Variants in PLXNA4 observed in about 807,000 individuals in gnomAD.
PLXNA4 encodes plexin-A4.
In PLXNA4, 44 loss-of-function variants were observed where a neutral mutation model predicts 191.8. The ratio of observed to expected loss-of-function variants is 0.23; its 90% confidence interval spans 0.18 to 0.29. The LOEUF is 0.29. Ranked by LOEUF, PLXNA4 falls within the 10% of genes least tolerant of loss-of-function variation. PLXNA4 has a pLI of 1.00. For synonymous variants in PLXNA4, 1,082 were observed against 1,009.5 expected (o/e 1.07, Z -1.36); for missense variants, 1,800 against 2,488.8 (o/e 0.72, Z 5.89).
At chr7:132,254,813 G>A (rs1031184861) in intron 4 of PLXNA4, among the ~76,000 whole-genome samples, 1 of 152,168 alleles carries the variant, frequency 6.6e-6, no homozygotes, top group Non-Finnish European at 1.5e-5. Context: ...TTGCGCATCT[G>A]GGGAGTCTGA....
intron 1 of PLXNA4, among the ~76,000 whole-genome samples, chr7:132,561,464 CCTCCTCCTCCTTCTT>C (rs1269522162): frequency 1.5e-5 from 2 of 135,624 alleles, no homozygotes; most frequent in South Asian, 2.6e-4. Flanking sequence ...TCCTTCTTGT[CCTCCTCCTCCTTCTT>C]CTCCTCCTCC....
At chr7:132,429,938 G>A (rs1400732361) in intron 3 of PLXNA4, among the ~76,000 whole-genome samples, 1 of 152,200 alleles carries the variant, frequency 6.6e-6, no homozygotes, top group Non-Finnish European at 1.5e-5. Context: ...GTCCCCAGGA[G>A]CAGAGTGGGC....
At chr7:132,442,481 T>TA (rs1421569530) in intron 3 of PLXNA4, among the ~76,000 whole-genome samples, 1 of 152,226 alleles carries the variant, frequency 6.6e-6, no homozygotes, top group African/African-American at 2.4e-5. Context: ...TCAAGATTCT[T>TA]ACTTTTCTCG....
intron 3 of PLXNA4, among the ~76,000 whole-genome samples, chr7:132,311,194 G>GTGTGTGTGTGCGCA (rs1491367840): frequency 2.4e-5 from 2 of 82,796 alleles, no homozygotes; most frequent in African/African-American, 1.0e-4. Context: ...GTGTGTGTGT[G>GTGTGTGTGTGCGCA]CGCGTGTGGC....
chr7:132,248,218 G>C (rs935074528), intron 4 of PLXNA4, among the ~76,000 whole-genome samples: 4 of 152,188 alleles, frequency 2.6e-5, no homozygotes, highest in Non-Finnish European at 5.9e-5. Context: ...GGCCCCAAAT[G>C]AACCCACATG....
chr7:132,617,647 TAA>T (rs1029675387), intron 2 of PLXNA4, among the ~76,000 whole-genome samples: 1 of 152,212 alleles, frequency 6.6e-6, no homozygotes, highest in African/African-American at 2.4e-5. Context: ...CCATGAAATC[TAA>T]AACACTGACA....
intron 12 of PLXNA4, among the ~76,000 whole-genome samples, chr7:132,199,841 A>G (rs1057271083): frequency 6.6e-6 from 1 of 152,140 alleles, no homozygotes; most frequent in Non-Finnish European, 1.5e-5. Context: ...CCTCCTACAC[A>G]TCCCCGTGAG....
chr7:132,230,096 A>C (rs1051182914), intron 5 of PLXNA4, among the ~76,000 whole-genome samples: 1 of 152,208 alleles, frequency 6.6e-6, no homozygotes, highest in African/African-American at 2.4e-5. Flanking sequence ...ACCCCTGAAC[A>C]GTACATTCAT....
chr7:132,349,070 C>T (rs760905430), intron 3 of PLXNA4, among the ~76,000 whole-genome samples: 2 of 152,040 alleles, frequency 1.3e-5, no homozygotes, highest in Non-Finnish European at 2.9e-5. Context: ...CATCCAACGC[C>T]GAAAGATGGG....
intron 3 of PLXNA4, among the ~76,000 whole-genome samples, chr7:132,364,322 G>C (rs889776868): frequency 2.0e-5 from 3 of 152,208 alleles, no homozygotes; most frequent in African/African-American, 7.2e-5. Context: ...GCGCTAACAA[G>C]AAAGAAACGC....
chr7:132,188,995 AGAGAGAG>A (rs1796983908), intron 14 of PLXNA4, among the ~76,000 whole-genome samples: 1 of 26,802 alleles, frequency 3.7e-5, no homozygotes. Context: ...AAAGGAAAGG[AGAGAGAG>A]AGAGAGAGAG....
At chr7:132,337,109 G>A (rs1224109545) in intron 3 of PLXNA4, among the ~76,000 whole-genome samples, 1 of 152,248 alleles carries the variant, frequency 6.6e-6, no homozygotes, top group African/African-American at 2.4e-5. Context: ...CGGTGGCAAT[G>A]TGTCCGCAGG....
upstream of PLXNA4, among the ~76,000 whole-genome samples, chr7:132,577,505 T>A (rs968343451): frequency 6.6e-6 from 1 of 151,204 alleles, no homozygotes. Flanking sequence ...GGCTGACATC[T>A]AGAGCGAGGG....
chr7:132,281,148 T>C (rs1584940234), intron 4 of PLXNA4, among the ~76,000 whole-genome samples: 1 of 152,322 alleles, frequency 6.6e-6, no homozygotes, highest in East Asian at 1.9e-4. Context: ...GTTTAATACA[T>C]TTGTTTAGCA....
intron 14 of PLXNA4, among the ~76,000 whole-genome samples, chr7:132,188,987 AGGAAAG>A (rs1209671869): frequency 5.5e-5 from 3 of 54,872 alleles, no homozygotes; most frequent in Admixed American, 2.1e-4. Flanking sequence ...AGGAAAGGAA[AGGAAAG>A]GAGAGAGAGA....
rs763035977 is a variant in PLXNA4 at position 132,182,235 on chromosome 7, A to G, written c.3159-45T>C. On this transcript the variant is annotated intron_variant, in intron 16 of 31. Transcript: ENST00000321063. ...GAGATGTGTAAATGATAAGTTCAGG[A>G]AGAGCAATGGCACTCTACAATGATG... 1.9e-6 allele frequency: 3 copies of G among 1,608,030 alleles called. No homozygotes were observed. The South Asian group carries it at 3.3e-5, about 18-fold the overall frequency.
At chr7:132,341,965 C>A (rs1250768187) in intron 3 of PLXNA4, among the ~76,000 whole-genome samples, 1 of 151,930 alleles carries the variant, frequency 6.6e-6, no homozygotes. Flanking sequence ...GGGATTCCAA[C>A]ATGCTTTTGG....
chr7:132,405,671 AGC>A (rs1276381338), intron 3 of PLXNA4, among the ~76,000 whole-genome samples: 1 of 152,176 alleles, frequency 6.6e-6, no homozygotes, highest in Non-Finnish European at 1.5e-5. Flanking sequence ...TCACTTGCAG[AGC>A]CAGGTGGTAT....
At chr7:132,404,617 C>G (rs1208834778) in intron 3 of PLXNA4, among the ~76,000 whole-genome samples, 1 of 152,110 alleles carries the variant, frequency 6.6e-6, no homozygotes, top group African/African-American at 2.4e-5. Context: ...GAATGGACTC[C>G]CAAGTAAGAC....
Sources: allele counts gnomAD v4.1 joint callset (sites outside exome capture counted in the v4.1 genomes callset), GRCh38; gene constraint gnomAD v4.1.1; transcripts MANE v1.5; gene names NCBI Gene and HGNC (gene_info 2026-07-23, HGNC 2026-07-21).